PCNX1: variants seen among roughly 807,000 people sequenced by gnomAD.
PCNX1 encodes the protein pecanex 1.
PCNX1 carries 78 observed loss-of-function variants against 242.2 expected under a neutral mutation model. The observed-to-expected ratio is 0.32, with a 90% CI of 0.27 to 0.39. PCNX1 has a LOEUF of 0.39. Ranked by LOEUF, PCNX1 falls within the 10% of genes least tolerant of loss-of-function variation. The pLI is 1.00. For synonymous variants in PCNX1, 1,024 were observed against 1,032.9 expected (o/e 0.99, Z 0.17); for missense variants, 2,581 against 2,856.5 (o/e 0.90, Z 2.20).
intron 1 of PCNX1, 123 bp from the exon 2 acceptor site, chr14:70,946,792 G>A: frequency 1.4e-6 from 1 of 731,268 alleles, no homozygotes; most frequent in African/African-American, 1.8e-5. Flanking sequence ...TTGCAGCTTA[G>A]CGCTAGTAAC....
chr14:71,021,199 C>G (rs1005694368), intron 12 of PCNX1, among the ~76,000 whole-genome samples: 1 of 152,090 alleles, frequency 6.6e-6, no homozygotes, highest in African/African-American at 2.4e-5. Flanking sequence ...TAGCGTGATG[C>G]CTCCAGCTTT....
chr14:70,907,838 G>GCGC lies in PCNX1; in HGVS notation c.-10_-8dup, dbSNP rs1207755348. 1 of 1,285,464 alleles carries GCGC rather than the reference G, an allele frequency of 7.8e-7. No homozygotes were observed. The highest frequency in any genetic ancestry group is 4.0e-5 in the Admixed American group (1 of 24,960). The allele number at this position is 1,285,464 out of a possible 1,614,324, so 79.6% of individuals were successfully genotyped here. On this transcript the variant is annotated 5_prime_UTR_variant, in exon 1 of 36. Coordinates refer to ENST00000304743, the MANE Select transcript of PCNX1 (RefSeq NM_014982.3). ...GGCGGCGGCGGCGGCGACGGCGGCG[G>GCGC]CGCCGGGTGGGGATGGGGTCGCAGA...
chr14:70,937,069 C>T (rs1436993500), intron 1 of PCNX1, among the ~76,000 whole-genome samples: 2 of 151,800 alleles, frequency 1.3e-5, no homozygotes, highest in Non-Finnish European at 2.9e-5. Flanking sequence ...AAAATTTTCT[C>T]CCGTTCTGTA....
chr14:71,040,726 G>A (rs2060680084), intron 19 of PCNX1, among the ~76,000 whole-genome samples: 1 of 151,930 alleles, frequency 6.6e-6, no homozygotes, highest in Admixed American at 6.6e-5. Flanking sequence ...ACAATTAAAT[G>A]AGCATTGACT....
chr14:70,925,933 C>T (rs577096395), intron 1 of PCNX1, among the ~76,000 whole-genome samples: 2 of 152,012 alleles, frequency 1.3e-5, no homozygotes, highest in African/African-American at 4.8e-5. Context: ...ATGCTTCTTT[C>T]TGATTAGTCT....
intron 2 of PCNX1, among the ~76,000 whole-genome samples, chr14:70,953,124 A>T (rs940101837): frequency 2.6e-5 from 4 of 151,998 alleles, no homozygotes; most frequent in South Asian, 2.1e-4. Context: ...AAAATAAAAA[A>T]AAATTTTAGC....
At chr14:70,943,359 G>C (rs1386939286) in intron 1 of PCNX1, among the ~76,000 whole-genome samples, 2 of 152,312 alleles carry the variant, frequency 1.3e-5, no homozygotes, top group Admixed American at 1.3e-4. Flanking sequence ...TGAAGTCTAG[G>C]CTGAGATGGT....
intron 26 of PCNX1, among the ~76,000 whole-genome samples, chr14:71,072,087 C>T (rs1346658103): frequency 6.6e-6 from 1 of 152,096 alleles, no homozygotes; most frequent in African/African-American, 2.4e-5. Flanking sequence ...ATAGATACAA[C>T]AGTAATGAAA....
intron 24 of PCNX1, 61 bp from the exon 25 acceptor site, chr14:71,055,443 C>A: frequency 1.0e-6 from 1 of 993,264 alleles, no homozygotes; most frequent in Non-Finnish European, 1.6e-6. Context: ...CTTCCTCAGT[C>A]TAAATTGTTA....
intron 8 of PCNX1, among the ~76,000 whole-genome samples, chr14:71,006,172 G>T (rs1446198304): frequency 7.3e-6 from 1 of 137,354 alleles, no homozygotes; most frequent in Non-Finnish European, 1.6e-5. Flanking sequence ...TGTGTGTGTA[G>T]AGATGAGGTC....
At chr14:71,052,382 T>C (rs569213583) in intron 24 of PCNX1, among the ~76,000 whole-genome samples, 14 of 152,122 alleles carry the variant, frequency 9.2e-5, no homozygotes, top group African/African-American at 3.4e-4. Context: ...TCGGTTAATT[T>C]TGGTATTTTT....
intron 33 of PCNX1, among the ~76,000 whole-genome samples, chr14:71,107,296 T>A (rs960078965): frequency 8.5e-5 from 13 of 152,142 alleles, no homozygotes; most frequent in African/African-American, 3.1e-4. Flanking sequence ...ACCTGATAGA[T>A]CAACATTTTG....
intron 6 of PCNX1, among the ~76,000 whole-genome samples, chr14:70,984,475 C>T (rs1403980034): frequency 6.6e-6 from 1 of 151,232 alleles, no homozygotes; most frequent in Non-Finnish European, 1.5e-5. Flanking sequence ...CAAGCTCCAC[C>T]TTCTGAGTTC....
At chr14:71,034,108 CTT>C (rs929272608) in intron 18 of PCNX1, 72 bp downstream of exon 18, 1 of 791,634 alleles carries the variant, frequency 1.3e-6, no homozygotes, top group Non-Finnish European at 2.1e-6. Context: ...ATGAGGAACA[CTT>C]TTTGAAAGTC....
chr14:71,046,923 C>T, intron 20 of PCNX1, 41 bp from the exon 21 acceptor site: 7 of 1,520,288 alleles, frequency 4.6e-6, no homozygotes, highest in Non-Finnish European at 6.2e-6. Flanking sequence ...ACAAACTATA[C>T]ATTTGATGAC....
At chr14:70,931,168 A>G (rs1426713404) in intron 1 of PCNX1, among the ~76,000 whole-genome samples, 1 of 152,142 alleles carries the variant, frequency 6.6e-6, no homozygotes, top group East Asian at 1.9e-4. Flanking sequence ...AATTGCAAAC[A>G]CTGCAGGAAT....
chr14:70,972,635 A>G (rs2058574948), intron 5 of PCNX1, among the ~76,000 whole-genome samples: 1 of 152,168 alleles, frequency 6.6e-6, no homozygotes, highest in Non-Finnish European at 1.5e-5. Context: ...GATTTACAGG[A>G]TCCAAACCAA....
At chr14:70,983,525 G>A (rs966657113) in intron 6 of PCNX1, among the ~76,000 whole-genome samples, 4 of 152,080 alleles carry the variant, frequency 2.6e-5, no homozygotes, top group Non-Finnish European at 5.9e-5. Flanking sequence ...GGCTGGTCTC[G>A]AACTCCTGAC....
At chr14:70,922,524 TATC>T (rs2056417008) in intron 1 of PCNX1, among the ~76,000 whole-genome samples, 1 of 152,162 alleles carries the variant, frequency 6.6e-6, no homozygotes, top group African/African-American at 2.4e-5. Context: ...TTCTGTTCTC[TATC>T]ATCCACGCTA....
Sources: allele counts gnomAD v4.1 joint callset (sites outside exome capture counted in the v4.1 genomes callset), GRCh38; gene constraint gnomAD v4.1.1; transcripts MANE v1.5; gene names NCBI Gene and HGNC (gene_info 2026-07-23, HGNC 2026-07-21).